The following GPATCH2 variants were observed in gnomAD, a reference collection of about 807,000 sequenced individuals.
GPATCH2 encodes G-patch domain containing 2, also known as G patch domain-containing protein 2.
A neutral mutation model predicts 58.0 loss-of-function variants in GPATCH2; 51 were observed. The observed-to-expected ratio is 0.88, with a 90% CI of 0.70 to 1.11. The LOEUF is 1.11. GPATCH2 is among the 50% of genes most tolerant of loss of function. GPATCH2 has a pLI of 0.00. For missense variants in GPATCH2, 625 were observed against 652.2 expected (o/e 0.96, Z 0.45); for synonymous variants, 222 against 218.5 (o/e 1.02, Z -0.14).
intron 5 of GPATCH2, among the ~76,000 whole-genome samples, chr1:217,565,764 A>G (rs901966320): frequency 1.0e-4 from 15 of 150,616 alleles, no homozygotes; most frequent in African/African-American, 3.1e-4. Flanking sequence ...TATAAAAAAA[A>G]GTTCTATGCT....
intron 5 of GPATCH2, among the ~76,000 whole-genome samples, chr1:217,524,546 G>A (rs1300048096): frequency 8.6e-5 from 13 of 151,742 alleles, no homozygotes; most frequent in African/African-American, 2.7e-4. Flanking sequence ...CTGAGATCAC[G>A]CCACTGCACT....
intron 5 of GPATCH2, chr1:217,609,735 T>C: frequency 1.1e-6 from 1 of 949,404 alleles, no homozygotes; most frequent in African/African-American, 1.8e-5. Flanking sequence ...TGCATCATGA[T>C]TTTTATTTAC....
intron 7 of GPATCH2, chr1:217,492,529 C>T (rs1661798391): frequency 6.6e-6 from 1 of 152,102 alleles, no homozygotes; most frequent in African/African-American, 2.4e-5. Flanking sequence ...CAATTAACCC[C>T]AACAAAAATA....
intron 8 of GPATCH2, among the ~76,000 whole-genome samples, chr1:217,468,532 CA>C (rs1660571983): frequency 1.1e-5 from 1 of 90,242 alleles, no homozygotes; most frequent in Non-Finnish European, 3.1e-5. Flanking sequence ...CACACACACA[CA>C]CACACACACA....
At chr1:217,519,933 TA>T (rs1337619854) in intron 5 of GPATCH2, among the ~76,000 whole-genome samples, 2 of 152,250 alleles carry the variant, frequency 1.3e-5, no homozygotes, top group Non-Finnish European at 2.9e-5. Context: ...GATGTCTTGA[TA>T]AAGTCAAGTT....
At chr1:217,627,677 T>TA (rs1323389713) in intron 1 of GPATCH2, among the ~76,000 whole-genome samples, 1 of 152,024 alleles carries the variant, frequency 6.6e-6, no homozygotes, top group Non-Finnish European at 1.5e-5. Flanking sequence ...CTTTCCTCTT[T>TA]ACCATGGTTT....
chr1:217,441,614 C>G (rs1659145274), intron 9 of GPATCH2, among the ~76,000 whole-genome samples: 1 of 152,076 alleles, frequency 6.6e-6, no homozygotes, highest in Non-Finnish European at 1.5e-5. Context: ...GGCTAATAAC[C>G]AGAATCTACA....
At chr1:217,469,350 A>G (rs897961224) in intron 8 of GPATCH2, among the ~76,000 whole-genome samples, 30 of 152,152 alleles carry the variant, frequency 2.0e-4, no homozygotes, top group African/African-American at 7.2e-4. Context: ...ATTTAGTGTA[A>G]TATAATTGGG....
chr1:217,456,629 A>G (rs1199496443), intron 8 of GPATCH2, among the ~76,000 whole-genome samples: 2 of 152,222 alleles, frequency 1.3e-5, no homozygotes, highest in East Asian at 3.8e-4. Flanking sequence ...AATTATGTGC[A>G]AAATACAGGT....
intron 5 of GPATCH2, among the ~76,000 whole-genome samples, chr1:217,552,402 G>T (rs1390566504): frequency 6.6e-6 from 1 of 152,030 alleles, no homozygotes; most frequent in Non-Finnish European, 1.5e-5. Flanking sequence ...TAGTTAAAGG[G>T]GTATGTGGCC....
At chr1:217,578,252 C>A (rs1002890432) in intron 5 of GPATCH2, among the ~76,000 whole-genome samples, 1 of 151,760 alleles carries the variant, frequency 6.6e-6, no homozygotes, top group Admixed American at 6.6e-5. Context: ...ATTTTAAGAC[C>A]GGGTCTTGCT....
At chr1:217,503,953 CAG>C (rs1337316696) in intron 6 of GPATCH2, among the ~76,000 whole-genome samples, 4 of 152,036 alleles carry the variant, frequency 2.6e-5, no homozygotes, top group Non-Finnish European at 5.9e-5. Context: ...GAAACAGGCT[CAG>C]AGAGATTAAG....
At chr1:217,452,148 G>C (rs1351727117) in intron 8 of GPATCH2, among the ~76,000 whole-genome samples, 2 of 152,182 alleles carry the variant, frequency 1.3e-5, no homozygotes, top group East Asian at 3.9e-4. Flanking sequence ...CTGGTAGAGA[G>C]CTCGAGTTGG....
chr1:217,611,069 C>T lies in GPATCH2; in HGVS notation c.838G>A (p.Asp280Asn). The stretch of plus-strand genomic sequence containing the variant: ...TAGAACCAGTCACTCTGTTCATCAT[C>T]ACCTGTGCAAATACAAGAAACCCCC... ...LFTNDEGRQG[D>N]DEQSDWFYEK... The change falls in exon 4 of 10, where the codon GAT becomes AAT. Residue 280 changes from aspartate to asparagine, a missense_variant and splice_region_variant. Asp to Asn is a conservative substitution (Grantham distance 23). Transcript: ENST00000366935. The T allele has an allele frequency of 6.2e-7, 1 of 1,611,070 alleles. No individual in the cohort carries two copies. Among genetic ancestry groups the T allele is most frequent in the Non-Finnish European group, 8.5e-7 (1 of 1,178,494 alleles).
chr1:217,588,143 C>T (rs1667428822), intron 5 of GPATCH2, among the ~76,000 whole-genome samples: 1 of 151,996 alleles, frequency 6.6e-6, no homozygotes, highest in South Asian at 2.1e-4. Context: ...TCTTCAATTC[C>T]CTCCCTCCCT....
chr1:217,481,203 C>A (rs1410226161), intron 8 of GPATCH2, among the ~76,000 whole-genome samples: 2 of 152,098 alleles, frequency 1.3e-5, no homozygotes, highest in Admixed American at 6.6e-5. Context: ...GGGATGGATA[C>A]CCCATTTTCC....
rs372622049 is a variant in GPATCH2, at chr1:217,430,943, T to C, written c.*202A>G. ...TGGAAATTACTGAAAAAAATTAAAG[T>C]GCAGAGGTTTTCATTTTAGCACCAT... On this transcript the variant is annotated 3_prime_UTR_variant, in exon 10 of 10. Transcript: ENST00000366935. 1.7e-6 allele frequency: 1 copy of C among 587,816 alleles called. No homozygotes were observed. Among genetic ancestry groups the C allele is most frequent in the African/African-American group, 1.9e-5 (1 of 53,738 alleles). The allele number at this position is 587,816 out of a possible 1,614,324, so 36.4% of individuals were successfully genotyped here. A position where few individuals can be genotyped will look rare whatever the true frequency, so the allele number is the denominator to read the frequency against.
chr1:217,630,817 A>C, intron 1 of GPATCH2, 99 bp downstream of exon 1: 1 of 854,650 alleles, frequency 1.2e-6, no homozygotes, highest in Non-Finnish European at 1.8e-6. Context: ...CAGATCATCC[A>C]TCACAGCTCC....
At chr1:217,529,518 T>C (rs775079763) in intron 5 of GPATCH2, among the ~76,000 whole-genome samples, 5 of 152,224 alleles carry the variant, frequency 3.3e-5, no homozygotes, top group Non-Finnish European at 7.3e-5. Context: ...GTTTCCCCTT[T>C]GACCTTCTCC....
Sources: gnomAD v4.1 joint callset for allele counts (sites outside exome capture counted in the v4.1 genomes callset) on GRCh38, gnomAD v4.1.1 for gene constraint, MANE v1.5 for transcripts, NCBI Gene and HGNC (gene_info 2026-07-23, HGNC 2026-07-21) for gene names.